MBOAT1: variants seen among roughly 807,000 people sequenced by gnomAD.
The protein encoded by MBOAT1 is membrane-bound glycerophospholipid O-acyltransferase 1.
In MBOAT1, 67 loss-of-function variants were observed where a neutral mutation model predicts 64.4. That is an observed-to-expected ratio of 1.04 (90% CI 0.85 to 1.27). The LOEUF is 1.27. Among genes scored for constraint, MBOAT1 ranks in the 50% most tolerant of loss-of-function variants. MBOAT1 has a pLI of 0.00. For synonymous variants in MBOAT1, 229 were observed against 218.9 expected (o/e 1.05, Z -0.41); for missense variants, 563 against 604.6 (o/e 0.93, Z 0.72).
intron 12 of MBOAT1, among the ~76,000 whole-genome samples, chr6:20,106,712 G>A (rs776590234): frequency 2.8e-4 from 42 of 152,118 alleles, no homozygotes; most frequent in African/African-American, 8.0e-4. Context: ...ATGAGCCACC[G>A]CGCCCGACCA....
intron 1 of MBOAT1, among the ~76,000 whole-genome samples, chr6:20,170,892 CTGAATGAA>C (rs36129397): frequency 0.052 from 7,797 of 150,556 alleles, 232 homozygotes; most frequent in African/African-American, 0.079. Flanking sequence ...TCTCAATATT[CTGAATGAA>C]TGAATGAATG....
rs1354596871 is a variant in MBOAT1 at position 20,101,890 on chromosome 6, C to A, written c.*396G>T. Among the ~76,000 whole-genome samples, 2 of 151,824 alleles carry A rather than the reference C, an allele frequency of 1.3e-5. No individual in the cohort carries two copies. The highest frequency in any genetic ancestry group is 6.6e-5 in the Admixed American group (1 of 15,254). On this transcript the variant is annotated 3_prime_UTR_variant, in exon 13 of 13. Transcript: ENST00000324607. ...CAGCACTTTGGGAGGCCGAGGCGGGCGGATCACGAGGTCAGGAGATCGAGA... is the reference window on the plus strand; with the variant it reads ...CAGCACTTTGGGAGGCCGAGGCGGGAGGATCACGAGGTCAGGAGATCGAGA...
chr6:20,115,234 C>T, intron 10 of MBOAT1, 54 bp downstream of exon 10: 1 of 1,337,614 alleles, frequency 7.5e-7, no homozygotes, highest in South Asian at 1.2e-5. Context: ...TACTGACTCC[C>T]CTCTGAACAT....
chr6:20,103,263 T>A (rs1239156035), intron 12 of MBOAT1, among the ~76,000 whole-genome samples: 1 of 152,210 alleles, frequency 6.6e-6, no homozygotes, highest in Non-Finnish European at 1.5e-5. Context: ...TTGATGATCC[T>A]GATCTTGTGT....
intron 1 of MBOAT1, among the ~76,000 whole-genome samples, chr6:20,187,564 A>C (rs1303391780): frequency 2.0e-5 from 3 of 152,254 alleles, no homozygotes; most frequent in Non-Finnish European, 4.4e-5. Context: ...TCATCTACAA[A>C]ACCAGAAAAG....
chr6:20,135,753 T>G (rs1760973388), intron 4 of MBOAT1, among the ~76,000 whole-genome samples: 1 of 152,216 alleles, frequency 6.6e-6, no homozygotes, highest in Non-Finnish European at 1.5e-5. Flanking sequence ...CGTATCTTTA[T>G]TACTTCCTTT....
intron 1 of MBOAT1, among the ~76,000 whole-genome samples, chr6:20,165,409 A>G (rs1761986565): frequency 6.6e-6 from 1 of 152,014 alleles, no homozygotes; most frequent in Non-Finnish European, 1.5e-5. Context: ...TATGAGAAAC[A>G]TTTGGCACAC....
intron 3 of MBOAT1, among the ~76,000 whole-genome samples, chr6:20,150,393 C>G (rs1226715399): frequency 6.6e-6 from 1 of 152,076 alleles, no homozygotes; most frequent in Non-Finnish European, 1.5e-5. Context: ...GTGATTCCTT[C>G]CACAGCTCCC....
chr6:20,115,588 C>T (rs1561747907), intron 9 of MBOAT1, among the ~76,000 whole-genome samples: 1 of 152,084 alleles, frequency 6.6e-6, no homozygotes. Flanking sequence ...CATGTATTTT[C>T]AAATTACAGG....
intron 1 of MBOAT1, among the ~76,000 whole-genome samples, chr6:20,169,605 G>A (rs1392074092): frequency 7.0e-5 from 9 of 128,698 alleles, no homozygotes; most frequent in South Asian, 2.4e-4. Flanking sequence ...ACAATTCTCC[G>A]TTAAAAAAAA....
At chr6:20,164,266 G>T (rs893218265) in intron 1 of MBOAT1, among the ~76,000 whole-genome samples, 1 of 151,822 alleles carries the variant, frequency 6.6e-6, no homozygotes, top group African/African-American at 2.4e-5. Flanking sequence ...ACCCAGTTGG[G>T]CCTGGAGTCA....
At chr6:20,162,792 A>ACC (rs1459480814) in intron 1 of MBOAT1, among the ~76,000 whole-genome samples, 2 of 152,174 alleles carry the variant, frequency 1.3e-5, no homozygotes, top group African/African-American at 4.8e-5. Context: ...ATTTGAATTA[A>ACC]ACTGATAGAG....
chr6:20,107,793 GA>G (rs753494826), intron 12 of MBOAT1, among the ~76,000 whole-genome samples: 1,635 of 141,288 alleles, frequency 0.012, 15 homozygotes, highest in East Asian at 0.043. Context: ...GGGCTTACAG[GA>G]AAAAAAAAAA....
chr6:20,163,624 C>T (rs967480929), intron 1 of MBOAT1, among the ~76,000 whole-genome samples: 1 of 152,150 alleles, frequency 6.6e-6, no homozygotes, highest in Non-Finnish European at 1.5e-5. Context: ...ACAACCTTCT[C>T]GCATGATTCA....
intron 1 of MBOAT1, among the ~76,000 whole-genome samples, chr6:20,178,242 T>C (rs1407977566): frequency 3.3e-5 from 5 of 152,182 alleles, no homozygotes; most frequent in Admixed American, 6.5e-5. Flanking sequence ...TTTTTTTCTA[T>C]TTCTGTTTTA....
intron 1 of MBOAT1, among the ~76,000 whole-genome samples, chr6:20,156,455 G>A (rs575661265): frequency 2.0e-5 from 3 of 152,244 alleles, no homozygotes; most frequent in South Asian, 2.1e-4. Context: ...GGCCAGCGGA[G>A]TGCTCCATGG....
chr6:20,191,390 C>T (rs972166600), intron 1 of MBOAT1, among the ~76,000 whole-genome samples: 1 of 152,196 alleles, frequency 6.6e-6, no homozygotes, highest in African/African-American at 2.4e-5. Context: ...AAGACTAAGA[C>T]AATATTATAT....
At chr6:20,171,119 G>C (rs536389233) in intron 1 of MBOAT1, among the ~76,000 whole-genome samples, 6 of 152,160 alleles carry the variant, frequency 3.9e-5, no homozygotes, top group Non-Finnish European at 7.4e-5. Flanking sequence ...ACAGTTTCAG[G>C]CCTCTACCAG....
chr6:20,178,216 G>T (rs191162595), intron 1 of MBOAT1, among the ~76,000 whole-genome samples: 1 of 152,090 alleles, frequency 6.6e-6, no homozygotes, highest in African/African-American at 2.4e-5. Context: ...ATGCAACTTC[G>T]TGTCTCCTAC....
Sources: gnomAD v4.1 joint callset for allele counts (sites outside exome capture counted in the v4.1 genomes callset) on GRCh38, gnomAD v4.1.1 for gene constraint, MANE v1.5 for transcripts, NCBI Gene and HGNC (gene_info 2026-07-23, HGNC 2026-07-21) for gene names.